The following TEAD4 variants were observed in gnomAD, a reference collection of about 807,000 sequenced individuals.
TEAD4 encodes transcriptional enhancer factor TEF-3.
Under a neutral mutation model 52.4 loss-of-function variants are expected in TEAD4, and 36 were observed. The ratio of observed to expected loss-of-function variants is 0.69; its 90% CI spans 0.53 to 0.91. The LOEUF is 0.91. Ranked by LOEUF, TEAD4 falls within the 40% of genes least tolerant of loss-of-function variation. The pLI, the probability that TEAD4 is intolerant of heterozygous loss-of-function variation, is 0.00. For synonymous variants in TEAD4, 220 were observed against 231.0 expected, an observed-to-expected ratio of 0.95 and a Z score of 0.43; for missense variants, 508 against 583.9, an observed-to-expected ratio of 0.87 and a Z score of 1.34.
Position 3,022,003 on chromosome 12 carries a change from C to G in TEAD4, c.883C>G (p.Leu295Val), listed in dbSNP as rs759218732. Residue 295 changes from leucine to valine, a missense_variant, in exon 10 of 13, where the codon CTT becomes GTT. Leu to Val is a conservative substitution (Grantham distance 32). Coordinates refer to ENST00000359864, the MANE Select transcript of TEAD4 (RefSeq NM_003213.4). ...ACGGGGACCCTCCAATGCCTTTTTT[C>G]TTGTGAAGTTCTGGGTAAGCCTGTG... is the stretch of plus-strand genomic sequence containing the variant. The G allele has an allele frequency of 1.2e-6, 2 of 1,614,110 alleles. No individual in the cohort carries two copies. Among genetic ancestry groups the G allele is most frequent in the Admixed American group, 3.3e-5 (2 of 60,022 alleles).
chr12:2,965,883 A>G (rs2098219861), intron 2 of TEAD4, among the ~76,000 whole-genome samples: 2 of 151,928 alleles, frequency 1.3e-5, no homozygotes, highest in Non-Finnish European at 2.9e-5. Context: ...ATTATCGTAG[A>G]CAGTGTCTTG....
At chr12:2,977,265 C>T (rs550282041) in intron 2 of TEAD4, among the ~76,000 whole-genome samples, 95 of 152,178 alleles carry the variant, frequency 6.2e-4, no homozygotes, top group Non-Finnish European at 1.2e-3. Flanking sequence ...AGAGCCCAAA[C>T]GCTAAATCTC....
At chr12:3,007,146 G>A (rs191144061) in intron 3 of TEAD4, among the ~76,000 whole-genome samples, 12 of 152,344 alleles carry the variant, frequency 7.9e-5, no homozygotes, top group Non-Finnish European at 1.5e-4. Context: ...CAGAGCCCTG[G>A]AACCTTGTGG....
At chr12:3,011,331 A>G (rs1459862487) in intron 4 of TEAD4, among the ~76,000 whole-genome samples, 2 of 152,010 alleles carry the variant, frequency 1.3e-5, no homozygotes, top group East Asian at 1.9e-4. Context: ...CCTGGGTTCA[A>G]GTGATTCTCC....
Position 2,998,971 on chromosome 12 carries a change from G to T in TEAD4, c.226+3979G>T, listed in dbSNP as rs543231163. ...TGGGATCCAGACACCCGCTCACCCC[G>T]TCTCTTCTTACCAGTCCCGGGGGCC... On this transcript the variant is annotated intron_variant, in intron 3 of 12. Transcript: ENST00000359864. Among the ~76,000 whole-genome samples, 12 of 152,254 alleles carry T rather than the reference G, an allele frequency of 7.9e-5. No individual in the cohort carries two copies. The South Asian group carries it at 2.5e-3, about 32-fold the overall frequency.
intron 3 of TEAD4, among the ~76,000 whole-genome samples, chr12:2,996,675 G>A (rs1235397050): frequency 6.6e-6 from 1 of 152,184 alleles, no homozygotes; most frequent in Non-Finnish European, 1.5e-5. Context: ...CTCCCAAAGT[G>A]ATGGGATTAC....
At chr12:2,966,630 T>G (rs1411657325) in intron 2 of TEAD4, among the ~76,000 whole-genome samples, 1 of 151,846 alleles carries the variant, frequency 6.6e-6, no homozygotes, top group African/African-American at 2.4e-5. Context: ...TCAGACTGGT[T>G]TCGAACTCCT....
Position 2,994,514 on chromosome 12 carries a change from G to C in TEAD4, c.-29-224G>C, listed in dbSNP as rs899600352. Among the ~76,000 whole-genome samples the C allele has an allele frequency of 2.6e-5, 4 of 152,206 alleles. No individual in the cohort carries two copies. The highest frequency in any genetic ancestry group is 2.6e-4 in the Admixed American group (4 of 15,278). ...CCCTTGTCTGGGTTCCTTGATACCA[G>C]GGAGTGCCTAGGTCATTGTGCTCAT... On this transcript the variant is annotated intron_variant, in intron 2 of 12. Coordinates refer to ENST00000359864, the MANE Select transcript of TEAD4 (RefSeq NM_003213.4). This position sits in a 1 kb window ranked among gnomAD's most constrained non-coding sequence, Gnocchi z 4.7.
intron 2 of TEAD4, among the ~76,000 whole-genome samples, chr12:2,974,483 A>G (rs2098227818): frequency 6.6e-6 from 1 of 152,198 alleles, no homozygotes; most frequent in Non-Finnish European, 1.5e-5. Context: ...CCTCAGAGCC[A>G]TGGCCCAGTC....
At chr12:2,980,209 A>G (rs1376528361) in intron 2 of TEAD4, among the ~76,000 whole-genome samples, 1 of 152,110 alleles carries the variant, frequency 6.6e-6, no homozygotes, top group Non-Finnish European at 1.5e-5. Context: ...CTTTCCACAC[A>G]AACCCTGGGA....
chr12:3,020,497 A>C, intron 8 of TEAD4, 137 bp from the exon 9 acceptor site: 1 of 1,089,490 alleles, frequency 9.2e-7, no homozygotes, highest in Non-Finnish European at 1.2e-6. Flanking sequence ...CACCTCTGCT[A>C]GGAGGTCCAT....
rs1352094274 is a variant in TEAD4 at position 3,018,529 on chromosome 12, C to T, written c.484-16C>T. On this transcript the variant is annotated splice_polypyrimidine_tract_variant and intron_variant, in intron 6 of 12. Transcript: ENST00000359864. ...CACCTGGGGCCGTGCTGATTCCATG[C>T]CTTTTGCCTCCTCAGTTTTGGCAAG... 1.9e-6 allele frequency: 3 copies of T among 1,614,098 alleles called. No homozygotes were observed. The highest frequency in any genetic ancestry group is 2.2e-5 in the East Asian group (1 of 44,872).
At chr12:3,031,448 C>CT (rs1432898864) in intron 10 of TEAD4, among the ~76,000 whole-genome samples, 1 of 152,200 alleles carries the variant, frequency 6.6e-6, no homozygotes, top group African/African-American at 2.4e-5. Flanking sequence ...TAGCTCCTGC[C>CT]TTTAGCTATT....
At chr12:2,986,688 C>T (rs758826880) in intron 2 of TEAD4, among the ~76,000 whole-genome samples, 28 of 151,322 alleles carry the variant, frequency 1.9e-4, no homozygotes, top group South Asian at 2.1e-4. Flanking sequence ...TAAAAAGAGA[C>T]GACAAAAAGT....
chr12:2,990,916 G>T (rs1245431372), intron 2 of TEAD4, among the ~76,000 whole-genome samples: 2 of 152,198 alleles, frequency 1.3e-5, no homozygotes, highest in Non-Finnish European at 2.9e-5. Context: ...AAACCCAGTT[G>T]TGACCAGGCA....
At chr12:3,025,359 G>A (rs545692683) in intron 10 of TEAD4, among the ~76,000 whole-genome samples, 1 of 152,102 alleles carries the variant, frequency 6.6e-6, no homozygotes, top group Non-Finnish European at 1.5e-5. Context: ...TCATTTTGTG[G>A]GAACACATCC....
chr12:2,973,330 A>G (rs1424325341), intron 2 of TEAD4, among the ~76,000 whole-genome samples: 1 of 152,116 alleles, frequency 6.6e-6, no homozygotes, highest in Non-Finnish European at 1.5e-5. Context: ...CTCGCCTCCC[A>G]CAGTTGTGGG....
intron 5 of TEAD4, among the ~76,000 whole-genome samples, chr12:3,013,113 C>A (rs1157797080): frequency 6.6e-6 from 1 of 152,042 alleles, no homozygotes; most frequent in Non-Finnish European, 1.5e-5. Flanking sequence ...CACTGCACGG[C>A]CATTTTTTTC....
intron 10 of TEAD4, among the ~76,000 whole-genome samples, chr12:3,026,933 C>T (rs1825807547): frequency 6.6e-6 from 1 of 152,114 alleles, no homozygotes; most frequent in South Asian, 2.1e-4. Context: ...TAGTTTTTCT[C>T]CTCTTTTTCT....
Sources: allele counts gnomAD v4.1 joint callset (sites outside exome capture counted in the v4.1 genomes callset), GRCh38; gene constraint gnomAD v4.1.1; non-coding constraint Gnocchi (gnomAD v3.1); transcripts MANE v1.5; gene names NCBI Gene and HGNC (gene_info 2026-07-23, HGNC 2026-07-21).